The following DACH2 variants were observed in gnomAD, a reference collection of about 807,000 sequenced individuals.
DACH2 encodes the protein dachshund family transcription factor 2, also known as dachshund homolog 2.
DACH2 carries 17 observed loss-of-function variants against 35.8 expected under a neutral mutation model. The observed-to-expected ratio is 0.48, with a 90% CI of 0.33 to 0.71. The LOEUF (loss-of-function observed/expected upper bound fraction) is 0.71. Among genes scored for constraint, DACH2 ranks in the 30% least tolerant of loss-of-function variants. The pLI, the probability that DACH2 is intolerant of heterozygous loss-of-function variation, is 0.02. For synonymous variants in DACH2, 195 were observed against 177.3 expected, an observed-to-expected ratio of 1.10 and a Z score of -0.79; for missense variants, 469 against 472.7, an observed-to-expected ratio of 0.99 and a Z score of 0.07.
intron 2 of DACH2, among the ~76,000 whole-genome samples, chrX:86,410,750 T>G (rs926694167): frequency 7.3e-5 from 8 of 109,837 alleles, no homozygotes; most frequent in African/African-American, 2.7e-4. Flanking sequence ...AAATCCCAAC[T>G]AAAATGTGTT....
intron 7 of DACH2, among the ~76,000 whole-genome samples, chrX:86,810,448 G>A (rs1465990514): frequency 2.7e-5 from 3 of 111,437 alleles, no homozygotes; most frequent in Admixed American, 1.9e-4. Flanking sequence ...TTATAACTTC[G>A]TAGCACTTCA....
intron 2 of DACH2, among the ~76,000 whole-genome samples, chrX:86,395,898 T>C (rs2036279415): frequency 9.0e-6 from 1 of 111,695 alleles, no homozygotes; most frequent in Non-Finnish European, 1.9e-5. Flanking sequence ...TTTGGGTATA[T>C]ACCCAGTAAT....
At chrX:86,547,332 A>G (rs2038989515) in intron 3 of DACH2, among the ~76,000 whole-genome samples, 1 of 111,959 alleles carries the variant, frequency 8.9e-6, no homozygotes, top group Non-Finnish European at 1.9e-5. Flanking sequence ...CAGTGGGACT[A>G]TTATGTATCT....
intron 1 of DACH2, among the ~76,000 whole-genome samples, chrX:86,248,389 T>A (rs1426367881): frequency 9.0e-6 from 1 of 111,350 alleles, no homozygotes; most frequent in East Asian, 2.8e-4. Flanking sequence ...AGCATTTTTA[T>A]ACACTAACAA....
chrX:86,667,600 GAAAGAAAGAAA>G (rs1295204143), intron 4 of DACH2, among the ~76,000 whole-genome samples: 201 of 102,064 alleles, frequency 2.0e-3, no homozygotes, highest in Non-Finnish European at 2.3e-3. Context: ...AAGAAAGAAA[GAAAGAAAGAAA>G]GAAAGGCAGG....
chrX:86,171,309 G>C (rs965585478), intron 1 of DACH2, among the ~76,000 whole-genome samples: 3 of 111,024 alleles, frequency 2.7e-5, no homozygotes, highest in Admixed American at 1.9e-4. Flanking sequence ...GAGGGGTGAT[G>C]CCAGCACTCC....
intron 3 of DACH2, among the ~76,000 whole-genome samples, chrX:86,627,053 C>G (rs941870898): frequency 8.9e-6 from 1 of 112,578 alleles, no homozygotes; most frequent in Non-Finnish European, 1.9e-5. Flanking sequence ...TTTTGTTAAA[C>G]TTTTATGCTC....
chrX:86,498,848 T>C (rs1291368828), intron 2 of DACH2, among the ~76,000 whole-genome samples: 1 of 111,783 alleles, frequency 8.9e-6, no homozygotes, highest in Non-Finnish European at 1.9e-5. Context: ...AAGTGCAAGA[T>C]TTTTTTTATT....
intron 7 of DACH2, among the ~76,000 whole-genome samples, chrX:86,784,847 G>A (rs938282334): frequency 9.0e-5 from 10 of 111,330 alleles, no homozygotes; most frequent in African/African-American, 3.3e-4. Flanking sequence ...GGAGCTGGAG[G>A]CCATTATCCT....
At chrX:86,492,566 AT>A (rs777246548) in intron 2 of DACH2, among the ~76,000 whole-genome samples, 52 of 111,982 alleles carry the variant, frequency 4.6e-4, no homozygotes, top group African/African-American at 1.6e-3. Context: ...GGTAGTAAGC[AT>A]AATATCCAAG....
At chrX:86,305,481 A>T (rs2034667650) in intron 1 of DACH2, among the ~76,000 whole-genome samples, 1 of 112,172 alleles carries the variant, frequency 8.9e-6, no homozygotes, top group Admixed American at 9.5e-5. Context: ...CTACTAAAAG[A>T]ACAAGCACAG....
intron 1 of DACH2, among the ~76,000 whole-genome samples, chrX:86,303,704 C>T (rs896770298): frequency 7.1e-5 from 7 of 98,727 alleles, no homozygotes; most frequent in African/African-American, 2.5e-4. Context: ...TATATAAGCA[C>T]ATATGTATAA....
At chrX:86,322,466 C>G (rs964229656) in intron 1 of DACH2, among the ~76,000 whole-genome samples, 7 of 111,296 alleles carry the variant, frequency 6.3e-5, no homozygotes, top group East Asian at 2.9e-4. Flanking sequence ...ACCGACGGTT[C>G]TCCCTCCTTG....
At chrX:86,555,547 T>C (rs2039106283) in intron 3 of DACH2, among the ~76,000 whole-genome samples, 1 of 111,720 alleles carries the variant, frequency 9.0e-6, no homozygotes, top group Non-Finnish European at 1.9e-5. Context: ...CATAAAAATG[T>C]AATTTAGCAA....
At chrX:86,192,031 C>A (rs754446082) in intron 1 of DACH2, among the ~76,000 whole-genome samples, 1 of 111,888 alleles carries the variant, frequency 8.9e-6, no homozygotes, top group Admixed American at 9.5e-5. Context: ...TTCCCTGCAT[C>A]TACTGATTCT....
At chrX:86,676,800 G>A (rs1438879498) in intron 4 of DACH2, among the ~76,000 whole-genome samples, 1 of 111,162 alleles carries the variant, frequency 9.0e-6, no homozygotes, top group African/African-American at 3.3e-5. Flanking sequence ...TTAGGTTGTT[G>A]GTTTTGTGAG....
intron 3 of DACH2, among the ~76,000 whole-genome samples, chrX:86,576,973 T>A (rs2039443346): frequency 8.9e-6 from 1 of 112,028 alleles, no homozygotes; most frequent in African/African-American, 3.2e-5. Context: ...ATGCTTCTTG[T>A]ATAGCCTGTA....
chrX:86,217,177 AG>A (rs932113374), intron 1 of DACH2, among the ~76,000 whole-genome samples: 7 of 111,196 alleles, frequency 6.3e-5, no homozygotes, highest in Non-Finnish European at 1.3e-4. Flanking sequence ...GAAATACAAA[AG>A]TTTACCTTTC....
intron 1 of DACH2, among the ~76,000 whole-genome samples, chrX:86,249,657 C>T (rs771193499): frequency 3.6e-5 from 4 of 111,007 alleles, no homozygotes; most frequent in African/African-American, 1.3e-4. Flanking sequence ...TTCTTGAAGA[C>T]CTTAAAACAT....
Sources: allele counts gnomAD v4.1 joint callset (sites outside exome capture counted in the v4.1 genomes callset), GRCh38; gene constraint gnomAD v4.1.1; transcripts MANE v1.5; gene names NCBI Gene and HGNC (gene_info 2026-07-23, HGNC 2026-07-21).